Variants in MED27 observed in about 807,000 individuals in gnomAD.
MED27 encodes the protein mediator complex subunit 27.
In MED27, 30 loss-of-function variants were observed where a neutral mutation model predicts 38.2. The observed-to-expected ratio is 0.79, with a 90% CI of 0.59 to 1.07. The LOEUF (loss-of-function observed/expected upper bound fraction) is 1.07. Among genes scored for constraint, MED27 ranks in the 50% least tolerant of loss-of-function variants. MED27 has a pLI of 0.00. For synonymous variants in MED27, 122 were observed against 153.5 expected, an observed-to-expected ratio of 0.79 and a Z score of 1.52; for missense variants, 289 against 397.5, an observed-to-expected ratio of 0.73 and a Z score of 2.32.
intron 4 of MED27, among the ~76,000 whole-genome samples, chr9:131,902,413 C>G (rs934190218): frequency 1.3e-5 from 2 of 151,982 alleles, no homozygotes. Context: ...AGAGACAGAC[C>G]AACTCTGAAA....
At chr9:131,987,599 G>C (rs759904022) in intron 3 of MED27, among the ~76,000 whole-genome samples, 6 of 152,140 alleles carry the variant, frequency 3.9e-5, no homozygotes, top group Non-Finnish European at 8.8e-5. Flanking sequence ...ATGATATTAA[G>C]TCAGTCTTTA....
Position 131,903,967 on chromosome 9 carries a change from C to T in MED27, c.574-9975G>A, listed in dbSNP as rs538256499. ...AGGCTGGAGTGCGGTGGCGTGATCTCGGCTCACTGCAACCTCTGCCTCCCG... is the reference window on the plus strand; with the variant it reads ...AGGCTGGAGTGCGGTGGCGTGATCTTGGCTCACTGCAACCTCTGCCTCCCG... On this transcript the variant is annotated intron_variant, in intron 4 of 7. Transcript: ENST00000292035. Among the ~76,000 whole-genome samples the T allele has an allele frequency of 5.3e-5, 8 of 150,848 alleles. No homozygotes were observed. The East Asian group carries it at 5.9e-4, about 11-fold the overall frequency.
intron 2 of MED27, among the ~76,000 whole-genome samples, chr9:132,068,722 G>T (rs922039969): frequency 6.6e-6 from 1 of 151,810 alleles, no homozygotes; most frequent in Non-Finnish European, 1.5e-5. Flanking sequence ...GAGGATTTCA[G>T]TTCTGGACTG....
At chr9:132,062,596 C>G (rs191806724) in intron 2 of MED27, among the ~76,000 whole-genome samples, 4 of 148,510 alleles carry the variant, frequency 2.7e-5, no homozygotes. Flanking sequence ...ATCCTGAGCA[C>G]GAGAAGGAGT....
intron 1 of MED27, 44 bp downstream of exon 1, chr9:132,079,598 A>G: frequency 6.3e-7 from 1 of 1,590,490 alleles, no homozygotes; most frequent in South Asian, 1.1e-5. Flanking sequence ...GCAGGGTCGG[A>G]GCGGGGCCGG....
At chr9:132,037,443 G>A (rs934232850) in intron 2 of MED27, among the ~76,000 whole-genome samples, 3 of 152,006 alleles carry the variant, frequency 2.0e-5, no homozygotes, top group African/African-American at 7.3e-5. Context: ...TGCCCAACGC[G>A]CCTACACAAC....
rs1271811988 is a variant in MED27, at chr9:131,862,697, C to T, written c.801+366G>A. ...CTCCGAAAATCGAAGGAGGAAACGT[C>T]TTGGGAAACTGCACGATCTGTTAAT... On this transcript the variant is annotated intron_variant, in intron 7 of 7. Transcript: ENST00000292035. This position sits in a 1 kb window ranked among gnomAD's most constrained non-coding sequence, Gnocchi z 4.6. 6.6e-6 allele frequency among the ~76,000 whole-genome samples: 1 copy of T among 152,192 alleles called. No individual in the cohort carries two copies.
At chr9:132,029,836 T>G (rs1484208635) in intron 2 of MED27, among the ~76,000 whole-genome samples, 2 of 150,400 alleles carry the variant, frequency 1.3e-5, no homozygotes, top group African/African-American at 2.5e-5. Context: ...AGCTGCATTT[T>G]GTATTACCCT....
intron 2 of MED27, among the ~76,000 whole-genome samples, chr9:132,071,777 G>A (rs781211963): frequency 2.7e-5 from 4 of 148,128 alleles, no homozygotes; most frequent in African/African-American, 5.0e-5. Context: ...AGTAACACAC[G>A]TCCATGAACG....
At chr9:132,060,028 C>G (rs755648148) in intron 2 of MED27, among the ~76,000 whole-genome samples, 1 of 152,090 alleles carries the variant, frequency 6.6e-6, no homozygotes, top group Non-Finnish European at 1.5e-5. Context: ...GCAACCTACC[C>G]AAGGACACAG....
intron 3 of MED27, among the ~76,000 whole-genome samples, chr9:131,979,997 T>A (rs541768404): frequency 1.3e-5 from 2 of 152,354 alleles, no homozygotes; most frequent in African/African-American, 4.8e-5. Context: ...AGCTCAAACC[T>A]TAACTGTTTC....
chr9:131,944,316 C>T (rs1564293079), intron 3 of MED27, among the ~76,000 whole-genome samples: 1 of 152,010 alleles, frequency 6.6e-6, no homozygotes, highest in South Asian at 2.1e-4. Flanking sequence ...GCATAAATAC[C>T]CCCCATTGCC....
intron 2 of MED27, among the ~76,000 whole-genome samples, chr9:132,042,925 G>A (rs1281893149): frequency 6.6e-6 from 1 of 152,136 alleles, no homozygotes; most frequent in African/African-American, 2.4e-5. Context: ...CTCTAGCTAT[G>A]GGAACAAATT....
At chr9:131,977,817 A>C (rs1831640564) in intron 3 of MED27, among the ~76,000 whole-genome samples, 2 of 152,238 alleles carry the variant, frequency 1.3e-5, no homozygotes, top group African/African-American at 4.8e-5. Context: ...TAGAACACAA[A>C]GAAACCAATC....
chr9:131,954,149 T>C (rs1413626971), intron 3 of MED27, among the ~76,000 whole-genome samples: 1 of 152,206 alleles, frequency 6.6e-6, no homozygotes, highest in Non-Finnish European at 1.5e-5. Flanking sequence ...TTGCATATAT[T>C]GAAGAAGGAG....
At position 131,963,908 on chromosome 9, in the gene MED27, C is replaced by T. The variant is rs932761196; in HGVS notation, c.480-24434G>A. On this transcript the variant is annotated intron_variant, in intron 3 of 7. Coordinates refer to ENST00000292035, the MANE Select transcript of MED27 (RefSeq NM_004269.4). ...TATGGGAAACCCATAACAGCACTTTCGGTTAGGCCTCCTCTCCATACTTCT... is the reference window on the plus strand; with the variant it reads ...TATGGGAAACCCATAACAGCACTTTTGGTTAGGCCTCCTCTCCATACTTCT... 3.3e-5 allele frequency among the ~76,000 whole-genome samples: 5 copies of T among 152,226 alleles called. 1 individual carries two copies. In the South Asian group the frequency reaches 8.3e-4, roughly 25 times the overall value.
At chr9:132,005,212 A>G (rs1199934597) in intron 3 of MED27, among the ~76,000 whole-genome samples, 2 of 152,256 alleles carry the variant, frequency 1.3e-5, no homozygotes, top group African/African-American at 4.8e-5. Flanking sequence ...AAGAGCAATG[A>G]GGACAAGGCG....
intron 2 of MED27, among the ~76,000 whole-genome samples, chr9:132,060,824 C>T (rs1052036448): frequency 6.6e-5 from 10 of 152,076 alleles, no homozygotes; most frequent in Admixed American, 2.0e-4. Flanking sequence ...TGGCAGGTGC[C>T]TGTAATCTCA....
intron 2 of MED27, among the ~76,000 whole-genome samples, chr9:132,055,422 C>T (rs991562205): frequency 2.0e-5 from 3 of 152,160 alleles, no homozygotes; most frequent in African/African-American, 4.8e-5. Context: ...TGGACCTAGT[C>T]ATCTATGAGT....
Sources: gnomAD v4.1 joint callset for allele counts (sites outside exome capture counted in the v4.1 genomes callset) on GRCh38, gnomAD v4.1.1 for gene constraint, Gnocchi (gnomAD v3.1) non-coding constraint, MANE v1.5 for transcripts, NCBI Gene and HGNC (gene_info 2026-07-23, HGNC 2026-07-21) for gene names.